The following PMPCA variants were observed in gnomAD, a reference collection of about 807,000 sequenced individuals.
The protein encoded by PMPCA is mitochondrial-processing peptidase subunit alpha.
Under a neutral mutation model 59.3 loss-of-function variants are expected in PMPCA, and 47 were observed. That is an observed-to-expected ratio of 0.79 (90% confidence interval 0.63 to 1.01). The LOEUF is 1.01. Among genes scored for constraint, PMPCA ranks in the 50% least tolerant of loss-of-function variants. The pLI is 0.00. For missense variants in PMPCA, 726 were observed against 704.5 expected, an observed-to-expected ratio of 1.03 and a Z score of -0.34; for synonymous variants, 338 against 290.3, an observed-to-expected ratio of 1.16 and a Z score of -1.67.
At chr9:136,417,617 C>T (rs978046400) in intron 7 of PMPCA, among the ~76,000 whole-genome samples, 2 of 152,060 alleles carry the variant, frequency 1.3e-5, no homozygotes, top group Non-Finnish European at 2.9e-5. Context: ...GGATTACCAC[C>T]ACGCCCGGCT....
At chr9:136,416,051 G>T (rs907245438) in intron 5 of PMPCA, 1 of 580,046 alleles carries the variant, frequency 1.7e-6, no homozygotes, top group Non-Finnish European at 3.1e-6. Context: ...GGCTTAGCAG[G>T]CTCACGTGGC....
In PMPCA at chr9:136,423,004, G is replaced by A. The variant is rs957258976; in HGVS notation, c.1409-91G>A. ...CAGCACAGCGTGAGTGAGTGGTACAGACCAGCCGCCCCCTCCGTGTGTTTA... is the reference window on the plus strand; with the variant it reads ...CAGCACAGCGTGAGTGAGTGGTACAAACCAGCCGCCCCCTCCGTGTGTTTA... On this transcript the variant is annotated intron_variant, in intron 12 of 12. Transcript: ENST00000371717. 61 of 1,496,242 alleles carry A rather than the reference G, an allele frequency of 4.1e-5. No homozygotes were observed. The African/African-American group carries it at 6.9e-4, about 17-fold the overall frequency. 92.7% of individuals were successfully genotyped at this position (1,496,242 alleles called of 1,614,324 possible).
chr9:136,423,032 G>A (rs1588825757), intron 12 of PMPCA, 63 bp from the exon 13 acceptor site: 1 of 1,532,218 alleles, frequency 6.5e-7, no homozygotes, highest in Non-Finnish European at 8.8e-7. Flanking sequence ...TGTGTTTACT[G>A]ATGCAGCCTC....
At chr9:136,422,059 G>A in intron 12 of PMPCA, 83 bp downstream of exon 12, 2 of 1,550,204 alleles carry the variant, frequency 1.3e-6, no homozygotes, top group Non-Finnish European at 1.7e-6. Flanking sequence ...CGCAGGCCGT[G>A]GTGGGCCTGT....
At chr9:136,412,619 T>C (rs370315592) in intron 3 of PMPCA, 50 bp downstream of exon 3, 25 of 1,000,278 alleles carry the variant, frequency 2.5e-5, no homozygotes, top group Non-Finnish European at 3.9e-5. Context: ...GAAGGATGTT[T>C]GAGATTTTTC....
rs573696645 is a variant in PMPCA at position 136,413,906 on chromosome 9, G to A, written c.438-647G>A. 3.3e-5 allele frequency among the ~76,000 whole-genome samples: 5 copies of A among 152,330 alleles called. No homozygotes were observed. The East Asian group carries it at 9.6e-4, about 29-fold the overall frequency. ...CTGCCTCCCAAGCTCCCTCTTCTTC[G>A]TGGCTGTTGCGTCTGCTCTGCATGG... is the stretch of plus-strand genomic sequence containing the variant. On this transcript the variant is annotated intron_variant, in intron 4 of 12. Transcript: ENST00000371717.
chr9:136,412,868 G>A lies in PMPCA; in HGVS notation c.413G>A (p.Gly138Asp), dbSNP rs762112786. Residue 138 changes from glycine to aspartate, a missense_variant, in exon 4 of 13, where the codon GGT (glycine) becomes GAT (aspartate). Coordinates refer to ENST00000371717, the MANE Select transcript of PMPCA (RefSeq NM_015160.3). ...CTGCTTACGTTGGAAAAGCATGGGG[G>A]TATCTGTGACTGCCAGACATCAAGG... ...EILLTLEKHG[G>D]ICDCQTSRDT... 1.2e-6 allele frequency: 2 copies of A among 1,606,726 alleles called. No homozygotes were observed. Among genetic ancestry groups the A allele is most frequent in the Non-Finnish European group, 1.7e-6 (2 of 1,173,432 alleles).
At chr9:136,411,060 C>T (rs548300397) in intron 1 of PMPCA, 2 of 304,894 alleles carry the variant, frequency 6.6e-6, no homozygotes, top group East Asian at 5.0e-5. Flanking sequence ...GAGGCTGAGC[C>T]GGTGGGGGCC....
chr9:136,412,310 AAC>A, intron 2 of PMPCA, 111 bp downstream of exon 2: 1 of 891,194 alleles, frequency 1.1e-6, no homozygotes, highest in East Asian at 2.4e-5. Flanking sequence ...CCTGAGTGGA[AAC>A]AAAGTGTACG....
chr9:136,422,463 TG>T lies in PMPCA; in HGVS notation c.1408+492del, dbSNP rs1191852947. The T allele has an allele frequency of 2.8e-6, 3 of 1,061,146 alleles. No individual in the cohort carries two copies. In the East Asian group the frequency reaches 2.5e-4, roughly 89 times the overall value. 65.7% of individuals were successfully genotyped at this position (1,061,146 alleles called of 1,614,324 possible). The stretch of plus-strand genomic sequence containing the variant: ...AAGTTGTATGTGCATCGGACTCTTC[TG>T]GGGGACAGGCTTAAAACCTGGCAAG... On this transcript the variant is annotated intron_variant, in intron 12 of 12. Transcript: ENST00000371717.
chr9:136,412,142 G>GAT lies in PMPCA; in HGVS notation c.219_220dup (p.Asn74IlefsTer18). The GAT allele has an allele frequency of 1.2e-6, 2 of 1,614,116 alleles. No individual in the cohort carries two copies. The highest frequency in any genetic ancestry group is 1.7e-6 in the Non-Finnish European group (2 of 1,180,000). On this transcript the variant is annotated frameshift_variant, in exon 2 of 13. Coordinates refer to ENST00000371717, the MANE Select transcript of PMPCA (RefSeq NM_015160.3). LOFTEE classifies it high-confidence loss of function. ...GTTTGAAACCAAAGTAACCACATTGGATAATGGGCTTCGCGTGGCATCTCA... is the reference window on the plus strand; with the variant it reads ...GTTTGAAACCAAAGTAACCACATTGGATATAATGGGCTTCGCGTGGCATCTCA...
Position 136,417,130 on chromosome 9 carries a change from C to T in PMPCA, c.813C>T (p.Leu271=). Residue 271 remains leucine, a synonymous_variant, in exon 7 of 13, where the codon CTC becomes CTT. Coordinates refer to ENST00000371717, the MANE Select transcript of PMPCA (RefSeq NM_015160.3). ...TGGTGGACTGTGCCCGGAAGTACCTCCTGGGGGTCCAGCCGGCCTGGGGGA... is the reference window on the plus strand; with the variant it reads ...TGGTGGACTGTGCCCGGAAGTACCTTCTGGGGGTCCAGCCGGCCTGGGGGA... The part of the protein sequence containing the change: ...EHLVDCARKY[L]LGVQPAWGSA... The T allele has an allele frequency of 6.2e-7, 1 of 1,613,436 alleles. No homozygotes were observed. Among genetic ancestry groups the T allele is most frequent in the South Asian group, 1.1e-5 (1 of 91,070 alleles).
At chr9:136,418,204 G>A in intron 8 of PMPCA, 95 bp downstream of exon 8, 4 of 908,080 alleles carry the variant, frequency 4.4e-6, no homozygotes, top group Non-Finnish European at 7.4e-6. Context: ...CAGCGCTCCT[G>A]ATGGGGCGTG....
chr9:136,418,470 C>T (rs1835346715), intron 8 of PMPCA, 85 bp from the exon 9 acceptor site: 1 of 888,604 alleles, frequency 1.1e-6, no homozygotes, highest in African/African-American at 1.6e-5. Flanking sequence ...GCGACTCAGC[C>T]AGCTCTGCCC....
intron 6 of PMPCA, 79 bp downstream of exon 6, chr9:136,416,470 T>G: frequency 1.0e-6 from 1 of 994,368 alleles, no homozygotes. Flanking sequence ...GGAGGGTGCC[T>G]CCGTGATGTT....
At chr9:136,419,456 G>A (rs1835385126) in intron 11 of PMPCA, 1 of 431,168 alleles carries the variant, frequency 2.3e-6, no homozygotes, top group Non-Finnish European at 4.3e-6. Context: ...AGGAGTTTTT[G>A]TGTCCTTCTC....
chr9:136,411,758 C>T (rs1371313019), intron 1 of PMPCA, among the ~76,000 whole-genome samples: 1 of 152,128 alleles, frequency 6.6e-6, no homozygotes, highest in Admixed American at 6.5e-5. Flanking sequence ...GTTAATAAGC[C>T]CTGTTTTTAC....
intron 11 of PMPCA, among the ~76,000 whole-genome samples, chr9:136,421,135 G>T (rs1395158759): frequency 6.6e-6 from 1 of 152,220 alleles, no homozygotes; most frequent in African/African-American, 2.4e-5. Context: ...TGGGCCCTGC[G>T]CCGGAGGCGT....
chr9:136,417,236 A>G (rs755620451), intron 7 of PMPCA, 22 bp downstream of exon 7: 7 of 1,544,380 alleles, frequency 4.5e-6, no homozygotes, highest in South Asian at 2.4e-5. Context: ...GGAACGTCTC[A>G]TGGCCTCGGG....
Sources: allele counts gnomAD v4.1 joint callset (sites outside exome capture counted in the v4.1 genomes callset), GRCh38; gene constraint gnomAD v4.1.1; transcripts MANE v1.5; gene names NCBI Gene and HGNC (gene_info 2026-07-23, HGNC 2026-07-21).